The following IMPG1 variants were observed in gnomAD, a reference collection of about 807,000 sequenced individuals.
IMPG1 encodes the protein interphotoreceptor matrix proteoglycan of 150 kDa.
In IMPG1, 85 loss-of-function variants were observed where a neutral mutation model predicts 92.0. The observed-to-expected ratio is 0.92, with a 90% CI of 0.78 to 1.11. IMPG1 has a LOEUF of 1.11. IMPG1 is among the 50% of genes least tolerant of loss of function. The pLI is 0.00. For missense variants in IMPG1, 1,022 were observed against 956.0 expected, an observed-to-expected ratio of 1.07 and a Z score of -0.91; for synonymous variants, 367 against 334.1, an observed-to-expected ratio of 1.10 and a Z score of -1.08.
chr6:76,050,028 A>G (rs2127595938), intron 1 of IMPG1, among the ~76,000 whole-genome samples: 1 of 152,318 alleles, frequency 6.6e-6, no homozygotes, highest in East Asian at 1.9e-4. Flanking sequence ...TAAAGGAACA[A>G]CCACTGAATT....
At chr6:75,954,226 C>G (rs1782080597) in intron 12 of IMPG1, among the ~76,000 whole-genome samples, 1 of 152,196 alleles carries the variant, frequency 6.6e-6, no homozygotes, top group Admixed American at 6.5e-5. Context: ...TACACTCCCA[C>G]CAATAGTGTA....
chr6:76,026,761 C>A (rs1783545758), intron 4 of IMPG1, among the ~76,000 whole-genome samples: 2 of 151,730 alleles, frequency 1.3e-5, no homozygotes, highest in South Asian at 4.2e-4. Flanking sequence ...CTTTAAAGTT[C>A]TTTTTCCCCT....
At chr6:76,069,579 A>G (rs1044874187) in intron 1 of IMPG1, among the ~76,000 whole-genome samples, 25 of 152,088 alleles carry the variant, frequency 1.6e-4, no homozygotes, top group African/African-American at 5.8e-4. Context: ...TTCTCAAATA[A>G]CTAAAAACAG....
At chr6:76,041,272 A>C (rs1783833991) in intron 2 of IMPG1, among the ~76,000 whole-genome samples, 1 of 152,220 alleles carries the variant, frequency 6.6e-6, no homozygotes, top group Non-Finnish European at 1.5e-5. Flanking sequence ...AATCCTGTGA[A>C]GCAGTCTTGG....
At chr6:76,023,761 GA>G (rs1417661666) in intron 5 of IMPG1, among the ~76,000 whole-genome samples, 1 of 151,978 alleles carries the variant, frequency 6.6e-6, no homozygotes, top group African/African-American at 2.4e-5. Context: ...TTAAAAAAAT[GA>G]AAAATAATTT....
rs567179616 is a variant in IMPG1 at position 76,057,136 on chromosome 6, G to T, written c.68-15010C>A. Among the ~76,000 whole-genome samples, 245 of 152,160 alleles carry T rather than the reference G, an allele frequency of 1.6e-3. 1 individual carries two copies. Among genetic ancestry groups the T allele is most frequent in the Non-Finnish European group, 1.3e-3 (89 of 67,992 alleles). On this transcript the variant is annotated intron_variant, in intron 1 of 16. Coordinates refer to ENST00000369950, the MANE Select transcript of IMPG1 (RefSeq NM_001563.4). ...CATGTCGGGGAACAACACACATGGGGGGCTGTTGGAAGGTGGGAGGAGGGA... is the reference window on the plus strand; with the variant it reads ...CATGTCGGGGAACAACACACATGGGTGGCTGTTGGAAGGTGGGAGGAGGGA...
At chr6:76,003,813 C>A in intron 11 of IMPG1, 61 bp downstream of exon 11, 2 of 1,224,372 alleles carry the variant, frequency 1.6e-6, no homozygotes, top group Non-Finnish European at 2.4e-6. Flanking sequence ...CTGATTTGTT[C>A]TTTGGTGGAA....
Position 76,018,764 on chromosome 6 carries a change from G to A in IMPG1, c.761C>T (p.Ser254Phe), listed in dbSNP as rs1162662417. The change falls in exon 7 of 17, where the codon TCC becomes TTC. Residue 254 changes from serine to phenylalanine, a missense_variant. This residue lies in a region of IMPG1 where 681 missense variants were observed against 583.6 expected (regional missense o/e 1.17). Coordinates refer to ENST00000369950, the MANE Select transcript of IMPG1 (RefSeq NM_001563.4). ...TAGCTCCTGGTAATATGGGGACTGG[G>A]AGTCAGCGAGCTCTGCCTTGAACTT... ...NQKFKAELADSQSPYYQELAG... is the reference protein window; with the variant it reads ...NQKFKAELADFQSPYYQELAG... 2 of 1,613,476 alleles carry A rather than the reference G, an allele frequency of 1.2e-6. No homozygotes were observed. Among genetic ancestry groups the A allele is most frequent in the Non-Finnish European group, 1.7e-6 (2 of 1,179,750 alleles).
chr6:76,065,109 T>G (rs966748603), intron 1 of IMPG1, among the ~76,000 whole-genome samples: 1 of 151,794 alleles, frequency 6.6e-6, no homozygotes, highest in African/African-American at 2.4e-5. Flanking sequence ...CAAATGCAAA[T>G]AAATTCAAAA....
intron 1 of IMPG1, among the ~76,000 whole-genome samples, chr6:76,062,428 A>G (rs1784222977): frequency 6.6e-6 from 1 of 152,232 alleles, no homozygotes; most frequent in Admixed American, 6.5e-5. Context: ...ACATAATAAA[A>G]CTACAAAAAG....
chr6:76,012,548 A>T (rs1219306647), intron 7 of IMPG1, among the ~76,000 whole-genome samples: 5 of 152,196 alleles, frequency 3.3e-5, no homozygotes, highest in Non-Finnish European at 7.3e-5. Flanking sequence ...GTACTGCCCC[A>T]TCCAGCTTTC....
chr6:76,019,402 C>T (rs79796248), intron 6 of IMPG1, among the ~76,000 whole-genome samples: 2,029 of 152,236 alleles, frequency 0.013, 45 homozygotes, highest in African/African-American at 0.046. Flanking sequence ...ATTATCTCTG[C>T]GGAAAATTGA....
At chr6:75,967,689 A>G (rs1315580464) in intron 12 of IMPG1, among the ~76,000 whole-genome samples, 1 of 152,248 alleles carries the variant, frequency 6.6e-6, no homozygotes, top group Admixed American at 6.5e-5. Flanking sequence ...AAAACAAAAC[A>G]AAAAACATGT....
chr6:75,974,147 A>T (rs1024021881), intron 12 of IMPG1, among the ~76,000 whole-genome samples: 4 of 152,340 alleles, frequency 2.6e-5, no homozygotes, highest in Non-Finnish European at 4.4e-5. Context: ...TGTTTTTAAG[A>T]TAATGCAAAC....
chr6:75,959,122 T>A (rs1353876174), intron 12 of IMPG1, among the ~76,000 whole-genome samples: 1 of 152,196 alleles, frequency 6.6e-6, no homozygotes, highest in African/African-American at 2.4e-5. Context: ...GTTTTCCTTT[T>A]AACAGTCAGG....
rs544461981 is a variant in IMPG1 at position 75,991,696 on chromosome 6, G to C, written c.1291+11222C>G. Among the ~76,000 whole-genome samples the C allele has an allele frequency of 8.5e-5, 13 of 152,212 alleles. No homozygotes were observed. In the South Asian group the frequency reaches 2.7e-3, roughly 32 times the overall value. ...CTTCTTCTGCTACGAGCTCCTTCCA[G>C]TTCCTCAAGAATGGACACCTATTAC... On this transcript the variant is annotated intron_variant, in intron 12 of 16. Transcript: ENST00000369950.
intron 12 of IMPG1, among the ~76,000 whole-genome samples, chr6:75,972,190 A>G (rs1369810763): frequency 6.6e-6 from 1 of 152,144 alleles, no homozygotes; most frequent in Non-Finnish European, 1.5e-5. Context: ...ATATTATAGA[A>G]TTACTCTTCC....
intron 12 of IMPG1, among the ~76,000 whole-genome samples, chr6:75,994,461 G>T (rs1002028959): frequency 2.0e-5 from 3 of 152,150 alleles, no homozygotes; most frequent in Non-Finnish European, 4.4e-5. Context: ...GTATTAGTCT[G>T]TTCTCATACT....
At chr6:76,060,432 A>G (rs1784187178) in intron 1 of IMPG1, among the ~76,000 whole-genome samples, 1 of 152,160 alleles carries the variant, frequency 6.6e-6, no homozygotes, top group African/African-American at 2.4e-5. Context: ...GCATTTCCAT[A>G]TATGAATTCT....
Sources: allele counts gnomAD v4.1 joint callset (sites outside exome capture counted in the v4.1 genomes callset), GRCh38; gene constraint gnomAD v4.1.1; regional missense constraint gnomAD v4.1.1; transcripts MANE v1.5; gene names NCBI Gene and HGNC (gene_info 2026-07-23, HGNC 2026-07-21).